COMMD1: variants seen among roughly 807,000 people sequenced by gnomAD.
COMMD1 encodes COMM domain-containing protein 1.
In COMMD1, 10 loss-of-function variants were observed where a neutral mutation model predicts 17.2. That is an observed-to-expected ratio of 0.58 (90% CI 0.36 to 0.99). The LOEUF is 0.99. COMMD1 is among the 50% of genes least tolerant of loss of function. COMMD1 has a pLI of 0.01. For missense variants in COMMD1, 270 were observed against 231.8 expected (o/e 1.17, Z -1.07); for synonymous variants, 97 against 91.6 (o/e 1.06, Z -0.34).
chr2:62,081,529 T>G (rs1363334198), intron 2 of COMMD1, among the ~76,000 whole-genome samples: 2 of 152,120 alleles, frequency 1.3e-5, no homozygotes, highest in Non-Finnish European at 2.9e-5. Flanking sequence ...GGATTACAGG[T>G]GTGAGCCACC....
Position 61,959,794 on chromosome 2 carries a change from A to G in COMMD1, c.181-40907A>G, listed in dbSNP as rs1671290946. 2.6e-5 allele frequency among the ~76,000 whole-genome samples: 4 copies of G among 152,216 alleles called. No individual in the cohort carries two copies. The South Asian group carries it at 6.2e-4, about 24-fold the overall frequency. ...AAGGTGAGCTTTACTTTTTGCAGAA[A>G]GGGTGCTACTCAAAGCTGTCCAGCC... On this transcript the variant is annotated intron_variant, in intron 1 of 2. Coordinates refer to ENST00000311832, the MANE Select transcript of COMMD1 (RefSeq NM_152516.4).
In COMMD1 at chr2:61,910,507, A is replaced by G. The variant is rs187936628; in HGVS notation, c.180+4649A>G. Among the ~76,000 whole-genome samples the G allele has an allele frequency of 3.2e-3, 491 of 152,266 alleles. 7 individuals carry two copies. The highest frequency in any genetic ancestry group is 0.01 in the African/African-American group (428 of 41,556). ...AGCAGTCCACCCTCCTTGGCGTCCC[A>G]TAGTGTTGGGATTACAGGTGTGAGC... On this transcript the variant is annotated intron_variant, in intron 1 of 2. Coordinates refer to ENST00000311832, the MANE Select transcript of COMMD1 (RefSeq NM_152516.4).
chr2:62,070,450 G>C (rs909412860), intron 2 of COMMD1: 2 of 151,356 alleles, frequency 1.3e-5, no homozygotes, highest in African/African-American at 4.9e-5. Context: ...CCCAGTTACT[G>C]TGGAGGCTGA....
chr2:62,091,171 A>G (rs1671815671), intron 2 of COMMD1, among the ~76,000 whole-genome samples: 1 of 152,116 alleles, frequency 6.6e-6, no homozygotes, highest in Non-Finnish European at 1.5e-5. Context: ...GTTTGGAAGT[A>G]TGTTTTCATG....
chr2:62,020,951 C>T (rs1457576517), intron 2 of COMMD1, among the ~76,000 whole-genome samples: 1 of 150,686 alleles, frequency 6.6e-6, no homozygotes, highest in Non-Finnish European at 1.5e-5. Context: ...TGCGGTGAGC[C>T]GAGATTGCGC....
At chr2:61,984,663 A>G (rs1052406545) in intron 1 of COMMD1, among the ~76,000 whole-genome samples, 5 of 152,192 alleles carry the variant, frequency 3.3e-5, no homozygotes, top group Admixed American at 6.5e-5. Context: ...TGTAAAGTCT[A>G]TTAGGTCCAT....
Position 61,999,359 on chromosome 2 carries a change from G to T in COMMD1, c.181-1342G>T, listed in dbSNP as rs557121480. 1.1e-4 allele frequency among the ~76,000 whole-genome samples: 17 copies of T among 152,262 alleles called. No homozygotes were observed. The East Asian group carries it at 2.7e-3, about 24-fold the overall frequency. On this transcript the variant is annotated intron_variant, in intron 1 of 2. Transcript: ENST00000311832. ...GCAATTAACTTTTGAAAATTTATGGGAAAGTATAAAGTAGTATATAATTTC... is the reference window on the plus strand; with the variant it reads ...GCAATTAACTTTTGAAAATTTATGGTAAAGTATAAAGTAGTATATAATTTC...
Position 62,076,889 on chromosome 2 carries a change from T to C in COMMD1, c.463-58942T>C, listed in dbSNP as rs573574258. ...GCTCCTGCCTGTAATCCCAGCACTT[T>C]GGGAGGCCAAGGCGGGAGGATCATT... On this transcript the variant is annotated intron_variant, in intron 2 of 2. Coordinates refer to ENST00000311832, the MANE Select transcript of COMMD1 (RefSeq NM_152516.4). Among the ~76,000 whole-genome samples the C allele has an allele frequency of 2.1e-3, 326 of 152,302 alleles. 2 individuals are homozygous for C. Among genetic ancestry groups the C allele is most frequent in the African/African-American group, 6.6e-3 (273 of 41,566 alleles).
Position 62,085,666 on chromosome 2 carries a change from C to T in COMMD1, c.463-50165C>T, listed in dbSNP as rs541723221. On this transcript the variant is annotated intron_variant, in intron 2 of 2. Transcript: ENST00000311832. ...CAGCCTGGGCAATAGAGTGAGACCCCATGTCTCTATAAAAAATTTTTAAGA... is the reference window on the plus strand; with the variant it reads ...CAGCCTGGGCAATAGAGTGAGACCCTATGTCTCTATAAAAAATTTTTAAGA... Among the ~76,000 whole-genome samples the T allele has an allele frequency of 1.3e-4, 20 of 151,908 alleles. 1 individual carries two copies. The South Asian group carries it at 3.5e-3, about 27-fold the overall frequency.
chr2:61,942,540 C>CT (rs759905506), intron 1 of COMMD1, among the ~76,000 whole-genome samples: 1,572 of 112,236 alleles, frequency 0.014, 31 homozygotes, highest in African/African-American at 0.021. Context: ...TGTGCCTGGC[C>CT]TTTTTTTTTT....
At chr2:61,896,825 T>G (rs1329319629) in intron 1 of COMMD1, among the ~76,000 whole-genome samples, 1 of 151,622 alleles carries the variant, frequency 6.6e-6, no homozygotes, top group African/African-American at 2.4e-5. Context: ...TTTTCTTTTT[T>G]TTTTTTTTTT....
intron 1 of COMMD1, among the ~76,000 whole-genome samples, chr2:61,969,950 C>T (rs1247284342): frequency 1.3e-5 from 2 of 151,726 alleles, no homozygotes; most frequent in African/African-American, 4.8e-5. Flanking sequence ...AGAGTTATTT[C>T]CAAGCAGAAT....
chr2:62,048,716 G>C (rs953251302), intron 2 of COMMD1, among the ~76,000 whole-genome samples: 1 of 151,746 alleles, frequency 6.6e-6, no homozygotes, highest in African/African-American at 2.4e-5. Context: ...TGTATAATTG[G>C]CATTCATATC....
At position 62,104,031 on chromosome 2, in the gene COMMD1, G is replaced by A. The variant is rs571053088; in HGVS notation, c.463-31800G>A. Among the ~76,000 whole-genome samples, 12 of 152,194 alleles carry A rather than the reference G, an allele frequency of 7.9e-5. No individual in the cohort carries two copies. The South Asian group carries it at 2.5e-3, about 32-fold the overall frequency. On this transcript the variant is annotated intron_variant, in intron 2 of 2. Coordinates refer to ENST00000311832, the MANE Select transcript of COMMD1 (RefSeq NM_152516.4). ...AATATTTGTATTTTTTGTATAGTCA[G>A]GGTCTCACTTTGTTGCCCAGGCTGG...
At position 62,000,715 on chromosome 2, in the gene COMMD1, A is replaced by C; in HGVS notation, c.195A>C (p.Ala65=). The change falls in exon 2 of 3, where the codon GCA becomes GCC. Residue 65 remains alanine (A), a synonymous_variant. Transcript: ENST00000311832. ...CATCTTTATAGTCTATTGCGTCTGC[A>C]GACATGGATTTCAACCAGCTGGAGG... The part of the protein sequence containing the change: ...MRGILKSIAS[A]DMDFNQLEAF... 1 of 1,614,112 alleles carries C rather than the reference A, an allele frequency of 6.2e-7. No homozygotes were observed.
intron 2 of COMMD1, among the ~76,000 whole-genome samples, chr2:62,050,141 G>A (rs955539169): frequency 6.6e-6 from 1 of 152,120 alleles, no homozygotes; most frequent in Non-Finnish European, 1.5e-5. Context: ...TCTGAGGGGA[G>A]GTCTGAGAGT....
intron 1 of COMMD1, among the ~76,000 whole-genome samples, chr2:61,954,084 C>T (rs535148574): frequency 6.6e-6 from 1 of 152,096 alleles, no homozygotes; most frequent in Non-Finnish European, 1.5e-5. Context: ...TGGCAGATAC[C>T]TGTAATCTCA....
At chr2:61,962,828 T>C (rs1671392407) in intron 1 of COMMD1, among the ~76,000 whole-genome samples, 2 of 152,154 alleles carry the variant, frequency 1.3e-5, no homozygotes, top group South Asian at 2.1e-4. Context: ...GTGTCTCTTA[T>C]TTTCACTGGT....
intron 1 of COMMD1, among the ~76,000 whole-genome samples, chr2:61,984,110 T>A (rs2103760359): frequency 6.6e-6 from 1 of 152,258 alleles, no homozygotes; most frequent in East Asian, 1.9e-4. Context: ...CTGCAACCTC[T>A]GCCTCCCAGG....
Sources: gnomAD v4.1 joint callset for allele counts (sites outside exome capture counted in the v4.1 genomes callset) on GRCh38, gnomAD v4.1.1 for gene constraint, MANE v1.5 for transcripts, NCBI Gene and HGNC (gene_info 2026-07-23, HGNC 2026-07-21) for gene names.